ASTN2: variants seen among roughly 807,000 people sequenced by gnomAD.
ASTN2 encodes astrotactin-2.
In ASTN2, 54 loss-of-function variants were observed where a neutral mutation model predicts 139.8. The ratio of observed to expected loss-of-function variants is 0.39; its 90% CI spans 0.31 to 0.48. The LOEUF (loss-of-function observed/expected upper bound fraction) is 0.48, where lower values mean the gene tolerates loss of function less well. ASTN2 is among the 20% of genes least tolerant of loss of function. ASTN2 has a pLI of 0.95. For missense variants in ASTN2, 1,565 were observed against 1,725.1 expected, an observed-to-expected ratio of 0.91 and a Z score of 1.64; for synonymous variants, 756 against 719.5, an observed-to-expected ratio of 1.05 and a Z score of -0.81.
rs193032303 is a variant in ASTN2, at chr9:116,946,761, G to A, written c.1889+28447C>T. Among the ~76,000 whole-genome samples, 41 of 152,062 alleles carry A rather than the reference G, an allele frequency of 2.7e-4. No individual in the cohort carries two copies. The East Asian group carries it at 8.0e-3, about 30-fold the overall frequency. On this transcript the variant is annotated intron_variant, in intron 10 of 22. Transcript: ENST00000313400. ...CTTGAGGTGGGAAGGATGCAGGGCA[G>A]GAAAAGGGTGGGGAGGATGAGAGTG... is the stretch of plus-strand genomic sequence containing the variant.
chr9:117,003,949 C>CGT (rs1414573515), intron 7 of ASTN2, among the ~76,000 whole-genome samples: 61 of 128,676 alleles, frequency 4.7e-4, no homozygotes, highest in African/African-American at 2.1e-3. Context: ...CACGCGCGCG[C>CGT]GCGCGTGTGT....
chr9:117,258,932 T>C (rs1416127913), intron 2 of ASTN2, among the ~76,000 whole-genome samples: 1 of 152,184 alleles, frequency 6.6e-6, no homozygotes, highest in Non-Finnish European at 1.5e-5. Flanking sequence ...AGAGTAGATA[T>C]ACAAAGGTAG....
intron 1 of ASTN2, among the ~76,000 whole-genome samples, chr9:117,383,066 C>T (rs7875709): frequency 0.96 from 146,347 of 152,280 alleles, 70,362 homozygotes; most frequent in East Asian, 1. Context: ...GCAGACAATA[C>T]GTAAACAAAT....
rs1564406673 is a variant in ASTN2, at chr9:117,060,459, AGGAAGGAAGGAAGGAAGGAAGGAAG to A, written c.1277-20519_1277-20495del. Among the ~76,000 whole-genome samples, 210 of 88,628 alleles carry A rather than the reference AGGAAGGAAGGAAGGAAGGAAGGAAG, an allele frequency of 2.4e-3. 14 individuals are homozygous for A. The highest frequency in any genetic ancestry group is 0.01 in the South Asian group (21 of 2,074). 58.1% of individuals were successfully genotyped at this position (88,628 alleles called of 152,430 possible). ...GAGAGAGAGAGAAAGAAAGAAAGAAAGGAAGGAAGGAAGGAAGGAAGGAAGGAATGAAAGAAAGAAAGAAAGAAAG... is the reference window on the plus strand; with the variant it reads ...GAGAGAGAGAGAAAGAAAGAAAGAAAGAATGAAAGAAAGAAAGAAAGAAAG... On this transcript the variant is annotated intron_variant, in intron 5 of 22. Transcript: ENST00000313400.
intron 17 of ASTN2, among the ~76,000 whole-genome samples, chr9:116,647,806 G>T (rs566745324): frequency 2.6e-5 from 4 of 152,006 alleles, no homozygotes; most frequent in Non-Finnish European, 4.4e-5. Flanking sequence ...CGAACCACTA[G>T]GTATTTTTAT....
intron 16 of ASTN2, among the ~76,000 whole-genome samples, chr9:116,664,357 AGT>A (rs1858739629): frequency 1.3e-5 from 2 of 151,180 alleles, no homozygotes; most frequent in Admixed American, 1.3e-4. Context: ...TTGGGATTAC[AGT>A]GTGAGCCACC....
At chr9:117,048,881 G>A (rs1838824906) in intron 5 of ASTN2, among the ~76,000 whole-genome samples, 1 of 151,386 alleles carries the variant, frequency 6.6e-6, no homozygotes, top group Admixed American at 6.6e-5. Flanking sequence ...ATGTCACTAT[G>A]TTGCTAGTGT....
chr9:117,052,762 T>A (rs1417466313), intron 5 of ASTN2, among the ~76,000 whole-genome samples: 1 of 152,198 alleles, frequency 6.6e-6, no homozygotes, highest in Non-Finnish European at 1.5e-5. Flanking sequence ...AACCTTTAGG[T>A]CTTCATTTTA....
At chr9:116,521,843 A>T (rs1850889204) in intron 19 of ASTN2, among the ~76,000 whole-genome samples, 1 of 151,928 alleles carries the variant, frequency 6.6e-6, no homozygotes, top group Non-Finnish European at 1.5e-5. Context: ...CCCATTAAAA[A>T]GCAGGTTAAG....
chr9:116,796,754 A>T (rs2132231108), intron 13 of ASTN2, among the ~76,000 whole-genome samples: 1 of 152,318 alleles, frequency 6.6e-6, no homozygotes, highest in Middle Eastern at 3.4e-3. Context: ...TACATAGTAT[A>T]GTCCCCATAG....
chr9:117,320,143 CCT>C (rs1828282873), intron 1 of ASTN2, among the ~76,000 whole-genome samples: 1 of 152,040 alleles, frequency 6.6e-6, no homozygotes, highest in Non-Finnish European at 1.5e-5. Context: ...TATTATTTCC[CCT>C]GTTTGAGCAC....
At chr9:117,176,214 G>C (rs1830912753) in intron 3 of ASTN2, among the ~76,000 whole-genome samples, 1 of 152,054 alleles carries the variant, frequency 6.6e-6, no homozygotes, top group South Asian at 2.1e-4. Flanking sequence ...TCGAGAATTT[G>C]GGAAAATGAG....
rs552840695 is a variant in ASTN2 at position 117,391,371 on chromosome 9, C to T, written c.442+23126G>A. Among the ~76,000 whole-genome samples the T allele has an allele frequency of 6.6e-5, 10 of 152,274 alleles. No individual in the cohort carries two copies. In the South Asian group the frequency reaches 2.1e-3, roughly 32 times the overall value. On this transcript the variant is annotated intron_variant, in intron 1 of 22. Transcript: ENST00000313400. The stretch of plus-strand genomic sequence containing the variant: ...TTACAGTTCCACATGGCTGGTGAGG[C>T]CTCACAGTTATGTCAGACGGCAAGG...
chr9:117,113,696 C>T (rs1353742867), intron 4 of ASTN2, among the ~76,000 whole-genome samples: 2 of 151,888 alleles, frequency 1.3e-5, no homozygotes, highest in East Asian at 3.9e-4. Context: ...AAAGGATCTA[C>T]TGACAGGTGT....
intron 5 of ASTN2, among the ~76,000 whole-genome samples, chr9:117,088,146 G>A (rs1443994664): frequency 2.0e-5 from 3 of 152,160 alleles, no homozygotes; most frequent in African/African-American, 7.2e-5. Flanking sequence ...TGCTTGATGA[G>A]AAGTGATGGA....
chr9:117,091,097 C>T (rs1192723414), intron 5 of ASTN2, among the ~76,000 whole-genome samples: 1 of 152,258 alleles, frequency 6.6e-6, no homozygotes, highest in Non-Finnish European at 1.5e-5. Context: ...AGAGGTAAGG[C>T]CCCAGCTCTG....
At chr9:116,875,360 T>G (rs2132358995) in intron 10 of ASTN2, among the ~76,000 whole-genome samples, 1 of 152,284 alleles carries the variant, frequency 6.6e-6, no homozygotes, top group Non-Finnish European at 1.5e-5. Context: ...TAGGACAAGG[T>G]CCTAATTCTC....
chr9:116,772,565 T>C (rs1328133015), intron 13 of ASTN2, among the ~76,000 whole-genome samples: 1 of 152,176 alleles, frequency 6.6e-6, no homozygotes, highest in East Asian at 1.9e-4. Context: ...GGACTTCAGG[T>C]CAGGTAAATG....
chr9:117,083,206 T>C (rs1295088579), intron 5 of ASTN2, among the ~76,000 whole-genome samples: 3 of 152,182 alleles, frequency 2.0e-5, no homozygotes, highest in Non-Finnish European at 4.4e-5. Context: ...TAAACATTAG[T>C]TGATTATGCA....
Sources: gnomAD v4.1 joint callset for allele counts (sites outside exome capture counted in the v4.1 genomes callset) on GRCh38, gnomAD v4.1.1 for gene constraint, MANE v1.5 for transcripts, NCBI Gene and HGNC (gene_info 2026-07-23, HGNC 2026-07-21) for gene names.